Variants in COL14A1 observed in about 807,000 individuals in gnomAD.
COL14A1 encodes collagen alpha-1(XIV) chain.
Under a neutral mutation model 230.3 loss-of-function variants are expected in COL14A1, and 136 were observed. That is an observed-to-expected ratio of 0.59 (90% CI 0.51 to 0.68). The LOEUF is 0.68. COL14A1 is among the 30% of genes least tolerant of loss of function. The pLI, the probability that COL14A1 is intolerant of heterozygous loss-of-function variation, is 0.00. For synonymous variants in COL14A1, 792 were observed against 784.1 expected (o/e 1.01, Z -0.17); for missense variants, 1,976 against 2,215.8 (o/e 0.89, Z 2.17).
chr8:120,330,652 T>C (rs780982532), intron 40 of COL14A1, among the ~76,000 whole-genome samples: 1 of 152,040 alleles, frequency 6.6e-6, no homozygotes, highest in Non-Finnish European at 1.5e-5. Context: ...TAAGAGAGAT[T>C]TGGGTGGGGA....
At chr8:120,144,214 A>G (rs1815013024) in intron 1 of COL14A1, among the ~76,000 whole-genome samples, 2 of 152,322 alleles carry the variant, frequency 1.3e-5, no homozygotes, top group South Asian at 4.1e-4. Context: ...ATATAAAAAA[A>G]CAGTAGCTCA....
chr8:120,201,501 A>G (rs993637473), intron 8 of COL14A1, among the ~76,000 whole-genome samples: 1 of 152,262 alleles, frequency 6.6e-6, no homozygotes, highest in South Asian at 2.1e-4. Flanking sequence ...AAATATTTAC[A>G]TTTACCAGCA....
intron 24 of COL14A1, among the ~76,000 whole-genome samples, chr8:120,264,329 G>A (rs958146636): frequency 6.6e-6 from 1 of 152,078 alleles, no homozygotes; most frequent in Admixed American, 6.6e-5. Flanking sequence ...TCCATCTTAT[G>A]GATTGTAAAT....
intron 47 of COL14A1, chr8:120,370,748 A>T: frequency 7.2e-7 from 1 of 1,385,756 alleles, no homozygotes; most frequent in Non-Finnish European, 9.6e-7. Flanking sequence ...ATGGATGGGC[A>T]TCTTTCTCCT....
At chr8:120,180,838 G>C (rs1182760871) in intron 5 of COL14A1, among the ~76,000 whole-genome samples, 1 of 150,738 alleles carries the variant, frequency 6.6e-6, no homozygotes, top group Non-Finnish European at 1.5e-5. Flanking sequence ...CTCCTGAGTA[G>C]CTGGGACTAC....
intron 14 of COL14A1, among the ~76,000 whole-genome samples, chr8:120,223,337 C>G (rs1004133840): frequency 2.0e-5 from 3 of 152,150 alleles, no homozygotes; most frequent in African/African-American, 7.2e-5. Flanking sequence ...TCCCCTGAAC[C>G]TCAGGTAGCA....
intron 26 of COL14A1, among the ~76,000 whole-genome samples, chr8:120,274,257 C>A (rs1819771414): frequency 6.6e-6 from 1 of 151,486 alleles, no homozygotes; most frequent in Non-Finnish European, 1.5e-5. Flanking sequence ...ATGCAGAAAG[C>A]ATTCAATAAA....
intron 13 of COL14A1, among the ~76,000 whole-genome samples, chr8:120,215,181 C>A (rs2130773877): frequency 6.6e-6 from 1 of 152,174 alleles, no homozygotes; most frequent in East Asian, 1.9e-4. Flanking sequence ...ACCAGCCTGG[C>A]CAACATGGTG....
chr8:120,305,810 G>C (rs1444309217), intron 36 of COL14A1, among the ~76,000 whole-genome samples: 3 of 151,744 alleles, frequency 2.0e-5, no homozygotes, highest in African/African-American at 7.3e-5. Flanking sequence ...CACTAGTTTG[G>C]AAAGTATACT....
At chr8:120,156,368 C>T (rs761550197) in intron 2 of COL14A1, among the ~76,000 whole-genome samples, 23 of 152,182 alleles carry the variant, frequency 1.5e-4, no homozygotes, top group Non-Finnish European at 2.9e-4. Flanking sequence ...GGGGTTTCAC[C>T]GTGTTGGTCA....
At chr8:120,159,186 G>C (rs1815577671) in intron 3 of COL14A1, among the ~76,000 whole-genome samples, 1 of 152,062 alleles carries the variant, frequency 6.6e-6, no homozygotes, top group Non-Finnish European at 1.5e-5. Context: ...CAGAATACTG[G>C]GCTCTACCCT....
intron 8 of COL14A1, among the ~76,000 whole-genome samples, chr8:120,200,657 CT>C (rs1563667909): frequency 1.4e-5 from 2 of 144,398 alleles, no homozygotes; most frequent in Admixed American, 7.0e-5. Flanking sequence ...GGAATATCTC[CT>C]CTAGGTATAC....
At chr8:120,313,266 A>C (rs1821103484) in intron 37 of COL14A1, among the ~76,000 whole-genome samples, 1 of 152,206 alleles carries the variant, frequency 6.6e-6, no homozygotes, top group Non-Finnish European at 1.5e-5. Context: ...AGGCTGAGGC[A>C]GGAGAATCAC....
At chr8:120,228,916 C>G (rs1818174990) in intron 18 of COL14A1, 147 bp downstream of exon 18, 3 of 660,910 alleles carry the variant, frequency 4.5e-6, no homozygotes, top group Non-Finnish European at 7.8e-6. Flanking sequence ...TCACGCCTCT[C>G]AGAGCCTCTC....
intron 1 of COL14A1, among the ~76,000 whole-genome samples, chr8:120,136,958 T>TAAA (rs1814733439): frequency 2.1e-5 from 1 of 47,418 alleles, no homozygotes; most frequent in Non-Finnish European, 3.4e-5. Flanking sequence ...AGAGTCTGTC[T>TAAA]CAAAAAAAAA....
chr8:120,269,303 A>T (rs1216825101), intron 25 of COL14A1, among the ~76,000 whole-genome samples: 2 of 151,824 alleles, frequency 1.3e-5, no homozygotes, highest in African/African-American at 2.4e-5. Flanking sequence ...AAGAACTTTT[A>T]AAAAATGTTC....
intron 1 of COL14A1, among the ~76,000 whole-genome samples, chr8:120,141,014 A>G (rs1319903589): frequency 6.6e-6 from 1 of 152,224 alleles, no homozygotes; most frequent in Non-Finnish European, 1.5e-5. Flanking sequence ...AGAGCAAAAA[A>G]TCAAGGCAGA....
rs749991843 is a variant in COL14A1 at position 120,203,914 on chromosome 8, G to C, written c.1039+44G>C. 4 of 1,577,322 alleles carry C rather than the reference G, an allele frequency of 2.5e-6. No individual in the cohort carries two copies. In the South Asian group the frequency reaches 4.6e-5, roughly 18 times the overall value. ...CAGTCCTGTGGATGTCAGTATTATG[G>C]TGCACAAGCCTATTGTGAATTGGGA... On this transcript the variant is annotated intron_variant, in intron 9 of 47. Transcript: ENST00000297848.
intron 17 of COL14A1, 43 bp from the exon 18 acceptor site, chr8:120,228,667 A>T (rs375523816): frequency 2.3e-5 from 34 of 1,466,656 alleles, no homozygotes; most frequent in Non-Finnish European, 3.1e-5. Context: ...AGAAAAATGG[A>T]CAGTTGTTTT....
Sources: gnomAD v4.1 joint callset for allele counts (sites outside exome capture counted in the v4.1 genomes callset) on GRCh38, gnomAD v4.1.1 for gene constraint, MANE v1.5 for transcripts, NCBI Gene and HGNC (gene_info 2026-07-23, HGNC 2026-07-21) for gene names.